Variants in RTP1 observed in about 807,000 individuals in gnomAD.
The protein encoded by RTP1 is receptor-transporting protein 1.
Under a neutral mutation model 27.1 loss-of-function variants are expected in RTP1, and 24 were observed. The ratio of observed to expected loss-of-function variants is 0.89; its 90% CI spans 0.64 to 1.25. RTP1 has a LOEUF of 1.25. Among genes scored for constraint, RTP1 ranks in the 50% most tolerant of loss-of-function variants. RTP1 has a pLI of 0.00. For missense variants in RTP1, 338 were observed against 351.6 expected (o/e 0.96, Z 0.31); for synonymous variants, 148 against 148.1 (o/e 1.00, Z 0.00).
Position 187,199,760 on chromosome 3 carries a change from T to C in RTP1, c.482T>C (p.Leu161Pro). 1 of 1,613,650 alleles carries C rather than the reference T, an allele frequency of 6.2e-7. No individual in the cohort carries two copies. The change falls in exon 2 of 2, where the codon CTG becomes CCG. Residue 161 changes from leucine to proline, a missense_variant. Transcript: ENST00000312295. ...CTGGTGGACAACCTCATCACCAGCC[T>C]GCGCGAGCAGTGCTACGGCGAGCGT... ...EGLVDNLITS[L>P]REQCYGERGG...
At chr3:187,199,412 A>T in intron 1 of RTP1, 139 bp from the exon 2 acceptor site, 1 of 915,770 alleles carries the variant, frequency 1.1e-6, no homozygotes, top group Non-Finnish European at 1.6e-6. Context: ...GGGGAAAGCT[A>T]ATGAACCCAG....
At position 187,199,943 on chromosome 3, in the gene RTP1, GC is replaced by G; in HGVS notation, c.669del (p.Thr224ProfsTer28). ...ACCTACACCTTCTCCCGGGCGCCCA[GC>G]CCCACCAAGTCGCAGGACCAGACGG... Reference protein sequence around the residue: ...ATTYTFSRAPSPTKSQDQTGS... With the variant: ...ATTYTFSRAPXPTKSQDQTGS... On this transcript the variant is annotated frameshift_variant, in exon 2 of 2. Transcript: ENST00000312295. LOFTEE classifies it high-confidence loss of function. The G allele has an allele frequency of 1.3e-6, 2 of 1,596,170 alleles. No individual in the cohort carries two copies. Among genetic ancestry groups the G allele is most frequent in the South Asian group, 1.1e-5 (1 of 88,352 alleles).
Position 187,199,425 on chromosome 3 carries a change from C to T in RTP1, c.273-126C>T, listed in dbSNP as rs41440052. Reference sequence around the variant, plus strand: ...CTGGGGAAAGCTAATGAACCCAGGGCGCCGGCAACACACTTCCTCCACCTC... The same window carrying T: ...CTGGGGAAAGCTAATGAACCCAGGGTGCCGGCAACACACTTCCTCCACCTC... On this transcript the variant is annotated intron_variant, in intron 1 of 1. Transcript: ENST00000312295. The T allele has an allele frequency of 8.7e-4, 918 of 1,058,114 alleles. 9 individuals are homozygous for T. In the East Asian group the frequency reaches 0.022, roughly 26 times the overall value. 65.5% of individuals were successfully genotyped at this position (1,058,114 alleles called of 1,614,324 possible).
Position 187,199,917 on chromosome 3 carries a change from C to T in RTP1, c.639C>T (p.Thr213=), listed in dbSNP as rs1721684255. The change falls in exon 2 of 2, where the codon ACC becomes ACT. Residue 213 remains threonine, a synonymous_variant. Coordinates refer to ENST00000312295, the MANE Select transcript of RTP1 (RefSeq NM_153708.3). ...PSEKLLEEEA[T]TYTFSRAPSP... ...AGAAGCTGCTGGAGGAGGAGGCGAC[C>T]ACCTACACCTTCTCCCGGGCGCCCA... is the stretch of plus-strand genomic sequence containing the variant. 1.9e-6 allele frequency: 3 copies of T among 1,592,282 alleles called. No individual in the cohort carries two copies. In the African/African-American group the frequency reaches 4.0e-5, roughly 21 times the overall value.
chr3:187,199,851 C>A lies in RTP1; in HGVS notation c.573C>A (p.Cys191Ter), dbSNP rs1034641198. Residue 191 changes from cysteine to a stop codon, truncating the protein, a stop_gained, in exon 2 of 2, where the codon TGC becomes TGA. Coordinates refer to ENST00000312295, the MANE Select transcript of RTP1 (RefSeq NM_153708.3). LOFTEE classifies it high-confidence loss of function. ...QDNRRHRGEF[C>*]EACQEGIVHW... ...ACCGGCGGCACCGCGGAGAGTTCTG[C>A]GAGGCCTGCCAGGAGGGCATCGTGC... The A allele has an allele frequency of 1.3e-5, 21 of 1,602,840 alleles. No individual in the cohort carries two copies. Among genetic ancestry groups the A allele is most frequent in the Non-Finnish European group, 1.7e-5 (20 of 1,171,230 alleles).
Position 187,199,395 on chromosome 3 carries a change from G to A in RTP1, c.273-156G>A, listed in dbSNP as rs907769050. 1.9e-5 allele frequency: 14 copies of A among 743,932 alleles called. No homozygotes were observed. In the Admixed American group the frequency reaches 4.0e-4, roughly 21 times the overall value. 46.1% of individuals were successfully genotyped at this position (743,932 alleles called of 1,614,324 possible). On this transcript the variant is annotated intron_variant, in intron 1 of 1. Transcript: ENST00000312295. ...CTAGGGGCACTTGCAAGGCTGAGTG[G>A]CTTCCTGGGGAAAGCTAATGAACCC...
At chr3:187,199,015 G>C (rs964464723) in intron 1 of RTP1, among the ~76,000 whole-genome samples, 2 of 152,118 alleles carry the variant, frequency 1.3e-5, no homozygotes, top group Non-Finnish European at 2.9e-5. Flanking sequence ...AGTCAGGCCT[G>C]GGAGACTACA....
Position 187,199,679 on chromosome 3 carries a change from A to T in RTP1, c.401A>T (p.Glu134Val), listed in dbSNP as rs772579959. 1.9e-6 allele frequency: 3 copies of T among 1,611,608 alleles called. No homozygotes were observed. Among genetic ancestry groups the T allele is most frequent in the Non-Finnish European group, 2.5e-6 (3 of 1,178,070 alleles). Residue 134 changes from glutamate (E) to valine (V), a missense_variant, in exon 2 of 2, where the codon GAG becomes GTG. Physicochemically the swap from Glu to Val is moderately radical, Grantham distance 121. Coordinates refer to ENST00000312295, the MANE Select transcript of RTP1 (RefSeq NM_153708.3). ...CGCGTCTTCAAGCAGCTGTGCTATG[A>T]GTGCGGCACGGCGCGGCTGGACGAG... is the stretch of plus-strand genomic sequence containing the variant. ...RMRVFKQLCYECGTARLDESS... is the reference protein window; with the variant it reads ...RMRVFKQLCYVCGTARLDESS...
rs1442460041 is a variant in RTP1 at position 187,200,045 on chromosome 3, A to G, written c.767A>G (p.Gln256Arg). ...GTCCTGCTGCTGATCATCTACCTGC[A>G]GTTCTCTTTCCGTAGCTCCGTATAA... ...ATVLLLIIYL[Q>R]FSFRSSV Residue 256 changes from glutamine (Q) to arginine (R), a missense_variant, in exon 2 of 2, where the codon CAG (glutamine) becomes CGG (arginine). Around this residue, in one of 3 missense-constraint regions of RTP1, gnomAD observed 252 missense variants for 231.5 expected, o/e 1.09. Coordinates refer to ENST00000312295, the MANE Select transcript of RTP1 (RefSeq NM_153708.3). 4.0e-6 allele frequency: 6 copies of G among 1,515,794 alleles called. No homozygotes were observed. Among genetic ancestry groups the G allele is most frequent in the Non-Finnish European group, 3.5e-6 (4 of 1,131,128 alleles). 93.9% of individuals were successfully genotyped at this position (1,515,794 alleles called of 1,614,324 possible). A position where few individuals can be genotyped will look rare whatever the true frequency, so the allele number is the denominator to read the frequency against.
In RTP1 at chr3:187,200,082, T is replaced by G; in HGVS notation, c.*12T>G. The stretch of plus-strand genomic sequence containing the variant: ...GTAGCTCCGTATAAGATTCCGTGGT[T>G]GGGCCCAGAGCCTGTCGAGGGTGCC... On this transcript the variant is annotated 3_prime_UTR_variant, in exon 2 of 2. Transcript: ENST00000312295. 6.7e-7 allele frequency: 1 copy of G among 1,500,276 alleles called. No individual in the cohort carries two copies. Among genetic ancestry groups the G allele is most frequent in the Non-Finnish European group, 8.9e-7 (1 of 1,122,696 alleles). 92.9% of individuals were successfully genotyped at this position (1,500,276 alleles called of 1,614,324 possible). A position where few individuals can be genotyped will look rare whatever the true frequency, so the allele number is the denominator to read the frequency against.
chr3:187,197,623 C>A lies in RTP1; in HGVS notation c.108C>A (p.Thr36=). The change falls in exon 1 of 2, where the codon ACC becomes ACA. Residue 36 remains threonine (T), a synonymous_variant. Coordinates refer to ENST00000312295, the MANE Select transcript of RTP1 (RefSeq NM_153708.3). The part of the protein sequence containing the change: ...WKLPSLTTDE[T]MCKSVTTDEW... ...TGCCTTCCCTCACTACTGACGAGAC[C>A]ATGTGTAAAAGCGTGACCACAGATG... 6.2e-7 allele frequency: 1 copy of A among 1,614,154 alleles called. No individual in the cohort carries two copies. The highest frequency in any genetic ancestry group is 8.5e-7 in the Non-Finnish European group (1 of 1,180,022).
rs200695573 is a variant in RTP1, at chr3:187,197,508, T to A, written c.-8T>A. On this transcript the variant is annotated 5_prime_UTR_variant, in exon 1 of 2. Transcript: ENST00000312295. ...GGAGCTGGGTCCTGCTTCCTCCTGG[T>A]CTTGTCGATGAGGATTTTTAGACCG... 1.8e-3 allele frequency: 2,918 copies of A among 1,611,376 alleles called. 3 individuals carry two copies. The highest frequency in any genetic ancestry group is 2.3e-3 in the Non-Finnish European group (2,666 of 1,177,702).
chr3:187,197,598 T>C lies in RTP1; in HGVS notation c.83T>C (p.Leu28Ser). 1 of 1,614,156 alleles carries C rather than the reference T, an allele frequency of 6.2e-7. No individual in the cohort carries two copies. Among genetic ancestry groups the C allele is most frequent in the Non-Finnish European group, 8.5e-7 (1 of 1,180,024 alleles). Residue 28 changes from leucine (L) to serine (S), a missense_variant, in exon 1 of 2, where the codon TTG becomes TCG. This residue lies in a region of RTP1 where 64 missense variants were observed against 74.5 expected (regional missense o/e 0.86). Transcript: ENST00000312295. ...SLSVFSLRWK[L>S]PSLTTDETMC... ...TCCGTGTTCTCACTAAGGTGGAAAT[T>C]GCCTTCCCTCACTACTGACGAGACC...
chr3:187,197,737 T>A lies in RTP1; in HGVS notation c.222T>A (p.Asn74Lys), dbSNP rs1721628963. ...TCATAGACCCCAACCTCAAGCACAATGTGCTGAGCCCTGGTTGGAAGCAGT... is the reference window on the plus strand; with the variant it reads ...TCATAGACCCCAACCTCAAGCACAAAGTGCTGAGCCCTGGTTGGAAGCAGT... ...DLIIDPNLKH[N>K]VLSPGWKQYL... The change falls in exon 1 of 2, where the codon AAT (asparagine) becomes AAA (lysine). Residue 74 changes from asparagine (N) to lysine (K), a missense_variant. Transcript: ENST00000312295. 1 of 1,614,146 alleles carries A rather than the reference T, an allele frequency of 6.2e-7. No individual in the cohort carries two copies. The highest frequency in any genetic ancestry group is 8.5e-7 in the Non-Finnish European group (1 of 1,180,032).
chr3:187,199,429 G>C (rs937112496), intron 1 of RTP1, 122 bp from the exon 2 acceptor site: 29 of 1,145,014 alleles, frequency 2.5e-5, no homozygotes, highest in Non-Finnish European at 3.5e-5. Flanking sequence ...CCAGGGCGCC[G>C]GCAACACACT....
intron 1 of RTP1, chr3:187,198,006 C>T: frequency 3.7e-6 from 2 of 534,114 alleles, no homozygotes; most frequent in Non-Finnish European, 6.6e-6. Flanking sequence ...TGTTACTCTT[C>T]CTCTCTGAGT....
In RTP1 at chr3:187,199,578, C is replaced by G. The variant is rs770053637; in HGVS notation, c.300C>G (p.Thr100=). The part of the protein sequence containing the change: ...GRFHCSWCWH[T]WQSPYVVILF... The stretch of plus-strand genomic sequence containing the variant: ...TCCACTGCTCCTGGTGCTGGCACAC[C>G]TGGCAGTCGCCCTACGTGGTCATCC... The change falls in exon 2 of 2, where the codon ACC becomes ACG. Residue 100 remains threonine, a synonymous_variant. Coordinates refer to ENST00000312295, the MANE Select transcript of RTP1 (RefSeq NM_153708.3). 6.3e-7 allele frequency: 1 copy of G among 1,596,346 alleles called. No homozygotes were observed. Among genetic ancestry groups the G allele is most frequent in the Admixed American group, 1.7e-5 (1 of 59,534 alleles).
chr3:187,199,981 A>T lies in RTP1; in HGVS notation c.703A>T (p.Asn235Tyr). 6.3e-7 allele frequency: 1 copy of T among 1,584,072 alleles called. No individual in the cohort carries two copies. Among genetic ancestry groups the T allele is most frequent in the Non-Finnish European group, 8.6e-7 (1 of 1,164,182 alleles). Residue 235 changes from asparagine (N) to tyrosine (Y), a missense_variant, in exon 2 of 2, where the codon AAC (asparagine) becomes TAC (tyrosine). This residue lies in a region of RTP1 where 252 missense variants were observed against 231.5 expected (regional missense o/e 1.09). Transcript: ENST00000312295. ...KSQDQTGSGW[N>Y]FCSIPWCLFW... Reference sequence around the variant, plus strand: ...GCAGGACCAGACGGGCTCAGGCTGGAACTTCTGCTCTATCCCCTGGTGCTT... The same window carrying T: ...GCAGGACCAGACGGGCTCAGGCTGGTACTTCTGCTCTATCCCCTGGTGCTT...
chr3:187,199,753 A>T lies in RTP1; in HGVS notation c.475A>T (p.Thr159Ser), dbSNP rs765466808. The T allele has an allele frequency of 6.2e-7, 1 of 1,613,466 alleles. No individual in the cohort carries two copies. The highest frequency in any genetic ancestry group is 8.5e-7 in the Non-Finnish European group (1 of 1,179,636). Residue 159 changes from threonine (T) to serine (S), a missense_variant, in exon 2 of 2, where the codon ACC becomes TCC. By Grantham distance (58) the Thr-to-Ser change is moderately conservative (BLOSUM62 1). Coordinates refer to ENST00000312295, the MANE Select transcript of RTP1 (RefSeq NM_153708.3). Reference sequence around the variant, plus strand: ...CGAGGGCCTGGTGGACAACCTCATCACCAGCCTGCGCGAGCAGTGCTACGG... The same window carrying T: ...CGAGGGCCTGGTGGACAACCTCATCTCCAGCCTGCGCGAGCAGTGCTACGG... The part of the protein sequence containing the change: ...NIEGLVDNLI[T>S]SLREQCYGER...
Sources: allele counts gnomAD v4.1 joint callset (sites outside exome capture counted in the v4.1 genomes callset), GRCh38; gene constraint gnomAD v4.1.1; regional missense constraint gnomAD v4.1.1; transcripts MANE v1.5; gene names NCBI Gene and HGNC (gene_info 2026-07-23, HGNC 2026-07-21).